Variants in GPALPP1 observed in about 807,000 individuals in gnomAD.
The protein encoded by GPALPP1 is GPALPP motifs containing 1.
A neutral mutation model predicts 38.9 loss-of-function variants in GPALPP1; 30 were observed. The ratio of observed to expected loss-of-function variants is 0.77; its 90% confidence interval spans 0.58 to 1.05. GPALPP1 has a LOEUF of 1.05. GPALPP1 is among the 50% of genes least tolerant of loss of function. The pLI is 0.00. For missense variants in GPALPP1, 384 were observed against 408.8 expected, an observed-to-expected ratio of 0.94 and a Z score of 0.52; for synonymous variants, 120 against 139.2, an observed-to-expected ratio of 0.86 and a Z score of 0.97.
Position 45,023,051 on chromosome 13 carries a change from CTT to C in GPALPP1, c.804+2630_804+2631del, listed in dbSNP as rs959393717. Among the ~76,000 whole-genome samples, 7 of 151,192 alleles carry C rather than the reference CTT, an allele frequency of 4.6e-5. No individual in the cohort carries two copies. In the South Asian group the frequency reaches 8.3e-4, roughly 18 times the overall value. ...CAGAGCAAGACCTGTCTCTAAAAAA[CTT>C]TTTTTTAATAAATAAAAAATGCTCT... On this transcript the variant is annotated intron_variant, in intron 7 of 7. Transcript: ENST00000379151.
downstream of GPALPP1, chr13:45,030,692 A>C (rs757046648): frequency 6.6e-6 from 1 of 152,060 alleles, no homozygotes; most frequent in African/African-American, 2.4e-5. Flanking sequence ...CCAAGACACA[A>C]ATTTTTAATG....
chr13:45,000,441 T>C (rs531619591), intron 1 of GPALPP1, among the ~76,000 whole-genome samples: 2 of 152,110 alleles, frequency 1.3e-5, no homozygotes, highest in South Asian at 2.1e-4. Flanking sequence ...AGTGAATGAA[T>C]ACATAAATAA....
At chr13:45,003,670 G>T (rs1317591576) in intron 1 of GPALPP1, among the ~76,000 whole-genome samples, 1 of 152,190 alleles carries the variant, frequency 6.6e-6, no homozygotes, top group Non-Finnish European at 1.5e-5. Context: ...GAGATGTAAA[G>T]TGAGAGCAAG....
At chr13:45,025,897 A>G (rs968776184) in intron 7 of GPALPP1, among the ~76,000 whole-genome samples, 2 of 151,858 alleles carry the variant, frequency 1.3e-5, no homozygotes, top group East Asian at 1.9e-4. Flanking sequence ...TCAGCCTCCA[A>G]GTAGCTAGGT....
intron 6 of GPALPP1, among the ~76,000 whole-genome samples, chr13:45,017,467 T>C (rs1874961318): frequency 6.6e-6 from 1 of 152,230 alleles, no homozygotes; most frequent in South Asian, 2.1e-4. Context: ...ATGCCTATTA[T>C]TTCTTAGCTG....
intron 3 of GPALPP1, among the ~76,000 whole-genome samples, chr13:45,007,994 G>C (rs958203046): frequency 1.3e-5 from 2 of 152,060 alleles, no homozygotes; most frequent in African/African-American, 4.8e-5. Context: ...TCATTATTTG[G>C]CAGTAGGGCA....
At chr13:45,001,408 G>A (rs891989098) in intron 1 of GPALPP1, among the ~76,000 whole-genome samples, 2 of 152,078 alleles carry the variant, frequency 1.3e-5, no homozygotes, top group African/African-American at 4.8e-5. Flanking sequence ...ACCCTAGTAT[G>A]CCCAAGTACC....
chr13:45,034,155 T>G (rs1876324576), downstream of GPALPP1: 2 of 152,236 alleles, frequency 1.3e-5, no homozygotes, highest in African/African-American at 4.8e-5. Context: ...AATAAACATT[T>G]ATTAAATGCC....
chr13:45,003,228 A>C lies in GPALPP1; in HGVS notation c.89-1077A>C, dbSNP rs74068085. Among the ~76,000 whole-genome samples the C allele has an allele frequency of 8.3e-3, 1,266 of 152,246 alleles. 16 individuals carry two copies. Among genetic ancestry groups the C allele is most frequent in the African/African-American group, 0.029 (1,195 of 41,470 alleles). The stretch of plus-strand genomic sequence containing the variant: ...CAGTTTCTCCATATGTAAAATAGAA[A>C]TAATATCTCCCTTATAGGATTGTTA... On this transcript the variant is annotated intron_variant, in intron 1 of 7. Coordinates refer to ENST00000379151, the MANE Select transcript of GPALPP1 (RefSeq NM_018559.5).
intron 1 of GPALPP1, among the ~76,000 whole-genome samples, chr13:45,001,152 A>C (rs532664931): frequency 4.8e-4 from 73 of 152,224 alleles, no homozygotes; most frequent in Non-Finnish European, 2.8e-4. Flanking sequence ...TGTTCTCGTG[A>C]TAGTGAGTTC....
chr13:45,027,742 A>T, intron 7 of GPALPP1, 43 bp from the exon 8 acceptor site: 1 of 911,080 alleles, frequency 1.1e-6, no homozygotes, highest in Non-Finnish European at 1.8e-6. Context: ...AATAATCTAT[A>T]TACAAACTAT....
Position 45,020,312 on chromosome 13 carries a change from T to TCTG in GPALPP1, c.706-17_706-15dup. 1 of 923,108 alleles carries TCTG rather than the reference T, an allele frequency of 1.1e-6. No individual in the cohort carries two copies. Among genetic ancestry groups the TCTG allele is most frequent in the Non-Finnish European group, 1.8e-6 (1 of 556,776 alleles). 57.2% of individuals were successfully genotyped at this position (923,108 alleles called of 1,614,324 possible). A position where few individuals can be genotyped will look rare whatever the true frequency, so the allele number is the denominator to read the frequency against. On this transcript the variant is annotated splice_polypyrimidine_tract_variant and intron_variant, in intron 6 of 7. Transcript: ENST00000379151. Reference sequence around the variant, plus strand: ...AATCTTATGATTCAGTAATGTGTTATCTGTGTTCATTCCTCAGGAAACACA... The same window carrying TCTG: ...AATCTTATGATTCAGTAATGTGTTATCTGCTGTGTTCATTCCTCAGGAAACACA...
chr13:45,027,668 T>C, intron 7 of GPALPP1, 117 bp from the exon 8 acceptor site: 1 of 542,926 alleles, frequency 1.8e-6, no homozygotes, highest in Non-Finnish European at 3.3e-6. Context: ...CTACTGGGGT[T>C]TGTAAATAGC....
At chr13:45,017,383 A>C (rs561655229) in intron 6 of GPALPP1, among the ~76,000 whole-genome samples, 1 of 152,338 alleles carries the variant, frequency 6.6e-6, no homozygotes, top group East Asian at 1.9e-4. Context: ...GAACCAACAC[A>C]TATAGGGGCA....
chr13:45,027,993 T>G lies in GPALPP1; in HGVS notation c.1013T>G (p.Met338Arg), dbSNP rs758291758. The G allele has an allele frequency of 1.9e-6, 3 of 1,566,448 alleles. No homozygotes were observed. The highest frequency in any genetic ancestry group is 2.2e-5 in the East Asian group (1 of 44,578). The stretch of plus-strand genomic sequence containing the variant: ...AGATTTTCACACGGCAAAGGCAATA[T>G]GTTTTTATAAGTAAGTATATTTCAG... ...NTRFSHGKGN[M>R]FL The change falls in exon 8 of 8, where the codon ATG becomes AGG. Residue 338 changes from methionine to arginine, a missense_variant. Coordinates refer to ENST00000379151, the MANE Select transcript of GPALPP1 (RefSeq NM_018559.5).
At chr13:44,995,079 C>T (rs191602058) in intron 1 of GPALPP1, among the ~76,000 whole-genome samples, 12 of 151,728 alleles carry the variant, frequency 7.9e-5, no homozygotes, top group Non-Finnish European at 8.8e-5. Context: ...CTTGAACTCC[C>T]GACCTCAGGT....
intron 1 of GPALPP1, among the ~76,000 whole-genome samples, chr13:45,002,904 A>G (rs1455182776): frequency 6.6e-6 from 1 of 152,166 alleles, no homozygotes; most frequent in Non-Finnish European, 1.5e-5. Flanking sequence ...TCTTTTTCTC[A>G]GAGAGATTTT....
intron 4 of GPALPP1, among the ~76,000 whole-genome samples, chr13:45,011,996 GAAGA>G (rs1874515888): frequency 6.6e-6 from 1 of 152,154 alleles, no homozygotes; most frequent in Non-Finnish European, 1.5e-5. Context: ...AGCTCAAAAG[GAAGA>G]AAGGAAAATT....
chr13:45,019,072 TATAC>T lies in GPALPP1; in HGVS notation c.706-1254_706-1251del, dbSNP rs1199309831. On this transcript the variant is annotated intron_variant, in intron 6 of 7. Transcript: ENST00000379151. Reference sequence around the variant, plus strand: ...AAATATAAATATATACATATAAATATATACATATAAATATATGTATATATATTTA... The same window carrying T: ...AAATATAAATATATACATATAAATATATATAAATATATGTATATATATTTA... Among the ~76,000 whole-genome samples, 73 of 137,090 alleles carry T rather than the reference TATAC, an allele frequency of 5.3e-4. 9 individuals are homozygous for T. Among genetic ancestry groups the T allele is most frequent in the East Asian group, 1.6e-3 (8 of 4,904 alleles). 89.9% of individuals were successfully genotyped at this position (137,090 alleles called of 152,430 possible).
Sources: allele counts gnomAD v4.1 joint callset (sites outside exome capture counted in the v4.1 genomes callset), GRCh38; gene constraint gnomAD v4.1.1; transcripts MANE v1.5; gene names NCBI Gene and HGNC (gene_info 2026-07-23, HGNC 2026-07-21).